XYLT1: variants seen among roughly 807,000 people sequenced by gnomAD.
XYLT1 encodes the protein beta-D-xylosyltransferase 1.
XYLT1 carries 36 observed loss-of-function variants against 91.3 expected under a neutral mutation model. The observed-to-expected ratio is 0.39, with a 90% CI of 0.30 to 0.52. The LOEUF (loss-of-function observed/expected upper bound fraction) is 0.52, where lower values mean the gene tolerates loss of function less well. XYLT1 is among the 20% of genes least tolerant of loss of function. The probability of loss-of-function intolerance (pLI) is 0.68; values close to 1 mark genes in which losing one functional copy is unlikely to be tolerated. For missense variants in XYLT1, 1,242 were observed against 1,284.5 expected (o/e 0.97, Z 0.51); for synonymous variants, 588 against 532.0 (o/e 1.11, Z -1.45).
chr16:17,469,726 A>T (rs961657336), intron 1 of XYLT1, among the ~76,000 whole-genome samples: 4 of 152,182 alleles, frequency 2.6e-5, no homozygotes, highest in African/African-American at 9.7e-5. Context: ...AGACAGAAAG[A>T]CAGAGACAAC....
At chr16:17,424,711 T>C (rs2036291333) in intron 1 of XYLT1, among the ~76,000 whole-genome samples, 1 of 151,804 alleles carries the variant, frequency 6.6e-6, no homozygotes, top group African/African-American at 2.4e-5. Context: ...TTACTAAAAA[T>C]ACAAAAAGTA....
intron 3 of XYLT1, among the ~76,000 whole-genome samples, chr16:17,204,015 G>A (rs1010476186): frequency 2.0e-5 from 3 of 152,208 alleles, no homozygotes; most frequent in East Asian, 1.9e-4. Context: ...GGAAGAATGC[G>A]TTATCATCCT....
intron 2 of XYLT1, among the ~76,000 whole-genome samples, chr16:17,347,187 G>A (rs1027048700): frequency 2.6e-5 from 4 of 152,182 alleles, no homozygotes; most frequent in Non-Finnish European, 5.9e-5. Context: ...CTGGAGGTGT[G>A]ACCGAGAACC....
chr16:17,326,506 C>A (rs916928415), intron 2 of XYLT1, among the ~76,000 whole-genome samples: 1 of 152,146 alleles, frequency 6.6e-6, no homozygotes, highest in Non-Finnish European at 1.5e-5. Flanking sequence ...CCCCCTAAGT[C>A]ATGAGACCCA....
intron 1 of XYLT1, among the ~76,000 whole-genome samples, chr16:17,462,741 GC>G (rs2036839742): frequency 6.6e-6 from 1 of 152,104 alleles, no homozygotes; most frequent in Non-Finnish European, 1.5e-5. Context: ...ATATCCTCTT[GC>G]CCCCTCCTCC....
chr16:17,156,408 A>C (rs1056990056), intron 6 of XYLT1, among the ~76,000 whole-genome samples: 1 of 152,220 alleles, frequency 6.6e-6, no homozygotes, highest in Non-Finnish European at 1.5e-5. Flanking sequence ...GGAGAAGAAG[A>C]AGGGTTTTTC....
At chr16:17,458,502 G>A (rs1014831219) in intron 1 of XYLT1, among the ~76,000 whole-genome samples, 1 of 152,152 alleles carries the variant, frequency 6.6e-6, no homozygotes, top group Non-Finnish European at 1.5e-5. Flanking sequence ...ATCAGAGAGG[G>A]CCTCCAATGG....
At chr16:17,350,426 G>A (rs1360088137) in intron 2 of XYLT1, among the ~76,000 whole-genome samples, 1 of 152,216 alleles carries the variant, frequency 6.6e-6, no homozygotes, top group Non-Finnish European at 1.5e-5. Flanking sequence ...CTCTGAGAAT[G>A]ACTCCATGCT....
intron 5 of XYLT1, among the ~76,000 whole-genome samples, chr16:17,195,296 A>C (rs1305967204): frequency 6.6e-6 from 1 of 151,460 alleles, no homozygotes; most frequent in African/African-American, 2.4e-5. Flanking sequence ...GTATAGAAGG[A>C]TCTCTTTCTT....
At chr16:17,235,262 T>C (rs1483967255) in intron 3 of XYLT1, among the ~76,000 whole-genome samples, 1 of 151,492 alleles carries the variant, frequency 6.6e-6, no homozygotes, top group Non-Finnish European at 1.5e-5. Flanking sequence ...TGAGACGTGT[T>C]GAAAGTGGCC....
chr16:17,196,698 C>T (rs2141585288), intron 5 of XYLT1, among the ~76,000 whole-genome samples: 1 of 152,230 alleles, frequency 6.6e-6, no homozygotes. Context: ...CCCTCTTCAC[C>T]CCCATCCACT....
intron 2 of XYLT1, among the ~76,000 whole-genome samples, chr16:17,353,759 C>T (rs2035254079): frequency 6.6e-6 from 1 of 152,208 alleles, no homozygotes. Context: ...ATATACCAAG[C>T]CCATTTCTCC....
chr16:17,361,996 G>A (rs755465967), intron 1 of XYLT1, among the ~76,000 whole-genome samples: 6 of 152,170 alleles, frequency 3.9e-5, no homozygotes, highest in Non-Finnish European at 8.8e-5. Context: ...CATTAGTATA[G>A]AGATGGAGAA....
intron 6 of XYLT1, among the ~76,000 whole-genome samples, chr16:17,145,441 C>G (rs957125132): frequency 6.6e-6 from 1 of 152,126 alleles, no homozygotes; most frequent in Non-Finnish European, 1.5e-5. Context: ...TGGATTGTTG[C>G]TGGAGTTAGT....
chr16:17,292,033 CATAA>C (rs2034235152), intron 2 of XYLT1, among the ~76,000 whole-genome samples: 1 of 151,826 alleles, frequency 6.6e-6, no homozygotes, highest in African/African-American at 2.4e-5. Flanking sequence ...CAAAAAAACC[CATAA>C]ATAATTAGCC....
intron 2 of XYLT1, among the ~76,000 whole-genome samples, chr16:17,340,973 T>C (rs73523034): frequency 3.9e-5 from 6 of 152,220 alleles, no homozygotes; most frequent in African/African-American, 1.4e-4. Flanking sequence ...CTGTTTTTAC[T>C]CATTGGTTTG....
intron 3 of XYLT1, 22 bp from the exon 4 acceptor site, chr16:17,200,676 A>G (rs745379729): frequency 1.2e-6 from 2 of 1,603,864 alleles, no homozygotes; most frequent in Admixed American, 3.3e-5. Flanking sequence ...CCAAGAGAAC[A>G]GAGAGGAGAA....
intron 1 of XYLT1, among the ~76,000 whole-genome samples, chr16:17,399,666 G>A (rs765082322): frequency 1.3e-5 from 2 of 152,028 alleles, no homozygotes; most frequent in Non-Finnish European, 1.5e-5. Context: ...TTAAAGATAC[G>A]CCAATTCAGA....
chr16:17,138,418 G>A lies in XYLT1; in HGVS notation c.1701C>T (p.His567=). 1 of 1,614,202 alleles carries A rather than the reference G, an allele frequency of 6.2e-7. No homozygotes were observed. Among genetic ancestry groups the A allele is most frequent in the Non-Finnish European group, 8.5e-7 (1 of 1,180,038 alleles). The change falls in exon 8 of 12, where the codon CAC becomes CAT. Residue 567 remains histidine (H), a synonymous_variant. Coordinates refer to ENST00000261381, the MANE Select transcript of XYLT1 (RefSeq NM_022166.4). ...GGGAGCAGCCGCACCAGTCCACGAT[G>A]TGCTTGTACTGGCACTTGCAGCCCA... The part of the protein sequence containing the change: ...RKLGCKCQYK[H]IVDWCGCSPN...
Sources: gnomAD v4.1 joint callset for allele counts (sites outside exome capture counted in the v4.1 genomes callset) on GRCh38, gnomAD v4.1.1 for gene constraint, MANE v1.5 for transcripts, NCBI Gene and HGNC (gene_info 2026-07-23, HGNC 2026-07-21) for gene names.